Variants in PKIB observed in about 807,000 individuals in gnomAD.
PKIB encodes PKI-beta.
A neutral mutation model predicts 4.5 loss-of-function variants in PKIB; 2 were observed. That is an observed-to-expected ratio of 0.44 (90% confidence interval 0.18 to 1.39). The LOEUF (loss-of-function observed/expected upper bound fraction) is 1.39, where lower values mean the gene tolerates loss of function less well. Among genes scored for constraint, PKIB ranks in the 40% most tolerant of loss-of-function variants. The pLI is 0.27. For missense variants in PKIB, 94 were observed against 92.6 expected (o/e 1.02, Z -0.06); for synonymous variants, 38 against 36.0 (o/e 1.06, Z -0.20).
At chr6:122,492,216 A>C (rs1400944292) in intron 2 of PKIB, among the ~76,000 whole-genome samples, 1 of 152,212 alleles carries the variant, frequency 6.6e-6, no homozygotes, top group African/African-American at 2.4e-5. Context: ...TGCTAAACAC[A>C]GAAGGAGGAG....
At chr6:122,555,368 G>A (rs899883949) in intron 2 of PKIB, among the ~76,000 whole-genome samples, 1 of 152,168 alleles carries the variant, frequency 6.6e-6, no homozygotes, top group African/African-American at 2.4e-5. Flanking sequence ...AGCTGCAGGT[G>A]TTAGAGCCAA....
intron 2 of PKIB, among the ~76,000 whole-genome samples, chr6:122,536,313 G>T (rs1777406128): frequency 6.6e-6 from 1 of 152,128 alleles, no homozygotes; most frequent in South Asian, 2.1e-4. Context: ...TTAAGGTATT[G>T]CATCACTTCA....
At chr6:122,554,021 T>C (rs914835966) in intron 2 of PKIB, among the ~76,000 whole-genome samples, 8 of 152,190 alleles carry the variant, frequency 5.3e-5, no homozygotes, top group African/African-American at 1.9e-4. Flanking sequence ...GACATTTGCA[T>C]TTATAGGTCA....
chr6:122,521,906 A>G (rs1259637001), intron 2 of PKIB, among the ~76,000 whole-genome samples: 2 of 152,004 alleles, frequency 1.3e-5, no homozygotes. Flanking sequence ...TCAATTTCCG[A>G]TGGCTGGCCA....
At chr6:122,715,927 T>G (rs950214381) in intron 3 of PKIB, among the ~76,000 whole-genome samples, 2 of 151,982 alleles carry the variant, frequency 1.3e-5, no homozygotes, top group Admixed American at 1.3e-4. Flanking sequence ...TCGCTTAACC[T>G]CTCTGACCCC....
chr6:122,581,282 A>C (rs1773695296), intron 2 of PKIB, among the ~76,000 whole-genome samples: 1 of 152,154 alleles, frequency 6.6e-6, no homozygotes, highest in Non-Finnish European at 1.5e-5. Flanking sequence ...TTCCTGGGAA[A>C]TGTTGGTTTC....
intron 2 of PKIB, among the ~76,000 whole-genome samples, chr6:122,668,182 T>A (rs1777306598): frequency 6.6e-6 from 1 of 152,150 alleles, no homozygotes; most frequent in South Asian, 2.1e-4. Flanking sequence ...TATTGTCTGG[T>A]CATTAAGTAA....
chr6:122,599,500 C>T (rs530197295), intron 3 of PKIB, among the ~76,000 whole-genome samples: 1 of 152,158 alleles, frequency 6.6e-6, no homozygotes, highest in African/African-American at 2.4e-5. Flanking sequence ...AGCTTTTTCT[C>T]TACAGGAGAT....
At chr6:122,473,096 G>A (rs1387554297) in intron 1 of PKIB, among the ~76,000 whole-genome samples, 7 of 152,166 alleles carry the variant, frequency 4.6e-5, no homozygotes, top group African/African-American at 1.7e-4. Context: ...GGGCTGCAGA[G>A]CGAGACTCCG....
intron 2 of PKIB, among the ~76,000 whole-genome samples, chr6:122,558,979 A>T (rs530843987): frequency 6.6e-6 from 1 of 152,174 alleles, no homozygotes; most frequent in African/African-American, 2.4e-5. Context: ...TAGCTCCCAC[A>T]TATCAGTGAG....
At chr6:122,476,362 C>T (rs991046914) in intron 1 of PKIB, among the ~76,000 whole-genome samples, 4 of 152,122 alleles carry the variant, frequency 2.6e-5, no homozygotes, top group Admixed American at 2.6e-4. Flanking sequence ...TGGAAGAGAC[C>T]ATATTCTGAT....
At chr6:122,633,034 C>A (rs904138924) in intron 1 of PKIB, among the ~76,000 whole-genome samples, 1 of 152,070 alleles carries the variant, frequency 6.6e-6, no homozygotes, top group Non-Finnish European at 1.5e-5. Context: ...GAAATACATT[C>A]CTTATTTATC....
At chr6:122,640,925 AT>A (rs1471644013) in intron 2 of PKIB, among the ~76,000 whole-genome samples, 4 of 152,174 alleles carry the variant, frequency 2.6e-5, no homozygotes, top group Admixed American at 2.0e-4. Context: ...TGTAATTCAT[AT>A]TATACGAATA....
intron 2 of PKIB, among the ~76,000 whole-genome samples, chr6:122,577,795 G>C (rs1446863124): frequency 2.0e-5 from 3 of 151,512 alleles, no homozygotes; most frequent in Non-Finnish European, 4.4e-5. Context: ...TGTAGTCCCA[G>C]ATACTCAGGA....
chr6:122,660,249 T>C (rs1776931969), intron 2 of PKIB, among the ~76,000 whole-genome samples: 1 of 152,204 alleles, frequency 6.6e-6, no homozygotes, highest in Admixed American at 6.5e-5. Context: ...AAGAAGCCCA[T>C]GTTGCCCTTT....
chr6:122,624,716 TAG>T (rs1562274786), intron 1 of PKIB, among the ~76,000 whole-genome samples: 1 of 152,194 alleles, frequency 6.6e-6, no homozygotes, highest in Non-Finnish European at 1.5e-5. Flanking sequence ...TTGTGGGCTT[TAG>T]AGTTGAACAG....
At chr6:122,491,780 A>G (rs1334486262) in intron 2 of PKIB, among the ~76,000 whole-genome samples, 1 of 152,208 alleles carries the variant, frequency 6.6e-6, no homozygotes, top group Non-Finnish European at 1.5e-5. Flanking sequence ...CAAAAATATC[A>G]AGAATCACTG....
chr6:122,721,706 A>G (rs1366352414), intron 4 of PKIB, among the ~76,000 whole-genome samples: 2 of 152,252 alleles, frequency 1.3e-5, no homozygotes, highest in East Asian at 3.9e-4. Context: ...ATATTAATGA[A>G]AAGCCTAATT....
intron 2 of PKIB, among the ~76,000 whole-genome samples, chr6:122,639,948 T>C (rs1776062184): frequency 6.6e-6 from 1 of 152,076 alleles, no homozygotes; most frequent in South Asian, 2.1e-4. Flanking sequence ...CTGAAGACAA[T>C]ACAATAAGGG....
Sources: gnomAD v4.1 joint callset for allele counts (sites outside exome capture counted in the v4.1 genomes callset) on GRCh38, gnomAD v4.1.1 for gene constraint, MANE v1.5 for transcripts, NCBI Gene and HGNC (gene_info 2026-07-23, HGNC 2026-07-21) for gene names.